Variants in LINGO2 observed in about 807,000 individuals in gnomAD.
LINGO2 encodes leucine-rich repeat and immunoglobulin-like domain-containing nogo receptor-interacting protein 2.
A neutral mutation model predicts 30.6 loss-of-function variants in LINGO2; 14 were observed. That is an observed-to-expected ratio of 0.46 (90% CI 0.30 to 0.72). The LOEUF is 0.72. LINGO2 is among the 30% of genes least tolerant of loss of function. LINGO2 has a pLI of 0.07. For synonymous variants in LINGO2, 317 were observed against 288.5 expected (o/e 1.10, Z -1.00); for missense variants, 729 against 751.7 (o/e 0.97, Z 0.35).
chr9:28,202,288 T>C (rs1411141500), intron 4 of LINGO2, among the ~76,000 whole-genome samples: 1 of 152,108 alleles, frequency 6.6e-6, no homozygotes, highest in Admixed American at 6.5e-5. Context: ...ATTCAACCCA[T>C]AACCCTCTCT....
At chr9:29,182,361 T>A in the LINGO2 span, among the ~76,000 whole-genome samples, 38 of 152,212 alleles carry the variant, frequency 2.5e-4, no homozygotes, top group Non-Finnish European at 5.1e-4. Flanking sequence ...TTAGGTATGG[T>A]AAGATTTAAG....
At chr9:28,402,533 G>A (rs1822315854) in intron 2 of LINGO2, among the ~76,000 whole-genome samples, 1 of 151,920 alleles carries the variant, frequency 6.6e-6, no homozygotes, top group South Asian at 2.1e-4. Flanking sequence ...TCCGTACACT[G>A]CCTCCTATCT....
chr9:28,796,599 A>G, the LINGO2 span, among the ~76,000 whole-genome samples: 1 of 152,208 alleles, frequency 6.6e-6, no homozygotes, highest in East Asian at 1.9e-4. Flanking sequence ...GTCAGCAATT[A>G]GCATATTTCA....
At chr9:28,239,223 T>C (rs78109264) in intron 4 of LINGO2, among the ~76,000 whole-genome samples, 11,574 of 151,952 alleles carry the variant, frequency 0.076, 540 homozygotes, top group South Asian at 0.16. Flanking sequence ...CAAAAAGCAA[T>C]ACCAATACCA....
At chr9:29,183,296 C>G in the LINGO2 span, among the ~76,000 whole-genome samples, 1 of 152,094 alleles carries the variant, frequency 6.6e-6, no homozygotes, top group African/African-American at 2.4e-5. Context: ...ACCAGTAACT[C>G]TTCAATGAAC....
chr9:28,747,156 A>C, the LINGO2 span, among the ~76,000 whole-genome samples: 3 of 151,950 alleles, frequency 2.0e-5, no homozygotes, highest in African/African-American at 7.3e-5. Flanking sequence ...CCCAGGATCC[A>C]GAAGGAGAGG....
At chr9:28,773,366 G>GAAAAA in the LINGO2 span, among the ~76,000 whole-genome samples, 274 of 132,230 alleles carry the variant, frequency 2.1e-3, 1 homozygote, top group African/African-American at 7.1e-3. Context: ...CTCCATCTCA[G>GAAAAA]AAAAAAAAAA....
intron 4 of LINGO2, among the ~76,000 whole-genome samples, chr9:28,204,558 T>C (rs1230307866): frequency 6.6e-6 from 1 of 152,188 alleles, no homozygotes; most frequent in African/African-American, 2.4e-5. Context: ...AGCAGTTCCC[T>C]AGGCATATCT....
the LINGO2 span, among the ~76,000 whole-genome samples, chr9:28,730,305 G>T: frequency 6.6e-6 from 1 of 152,150 alleles, no homozygotes; most frequent in Non-Finnish European, 1.5e-5. Flanking sequence ...GCAGGAATGT[G>T]ATCATGAGAC....
intron 4 of LINGO2, among the ~76,000 whole-genome samples, chr9:28,043,877 T>C (rs894755598): frequency 2.0e-5 from 3 of 152,242 alleles, no homozygotes; most frequent in African/African-American, 7.2e-5. Flanking sequence ...ATCCGTTTAG[T>C]CAATGTTCAA....
chr9:28,459,706 T>C (rs72713526), intron 2 of LINGO2, among the ~76,000 whole-genome samples: 8,308 of 151,904 alleles, frequency 0.055, 293 homozygotes, highest in Middle Eastern at 0.15. Context: ...CAAGTAAATA[T>C]ATTATTTATC....
chr9:28,290,757 A>G (rs1823697879), intron 4 of LINGO2, among the ~76,000 whole-genome samples: 1 of 151,922 alleles, frequency 6.6e-6, no homozygotes, highest in Non-Finnish European at 1.5e-5. Context: ...TTGATACTTT[A>G]TTTTTTTTCA....
At chr9:29,071,202 T>TTGTAG in the LINGO2 span, among the ~76,000 whole-genome samples, 1 of 129,556 alleles carries the variant, frequency 7.7e-6, no homozygotes, top group Non-Finnish European at 1.7e-5. Context: ...TTGTATTGTA[T>TTGTAG]TTTTTAGAGA....
intron 4 of LINGO2, among the ~76,000 whole-genome samples, chr9:28,062,275 T>C (rs1825168390): frequency 6.6e-6 from 1 of 152,050 alleles, no homozygotes; most frequent in Admixed American, 6.6e-5. Context: ...GTGTGTGCTT[T>C]CTTCCTCTTG....
chr9:28,784,726 C>T, the LINGO2 span, among the ~76,000 whole-genome samples: 1 of 152,018 alleles, frequency 6.6e-6, no homozygotes, highest in African/African-American at 2.4e-5. Flanking sequence ...GGCCGAGGTG[C>T]GTGGATCATG....
chr9:28,827,416 T>C, the LINGO2 span, among the ~76,000 whole-genome samples: 1 of 152,204 alleles, frequency 6.6e-6, no homozygotes. Context: ...AATAAGTAAT[T>C]ATGAGTTATA....
At chr9:28,808,203 T>C in the LINGO2 span, among the ~76,000 whole-genome samples, 3 of 152,220 alleles carry the variant, frequency 2.0e-5, no homozygotes, top group East Asian at 3.9e-4. Flanking sequence ...ACACATAATC[T>C]TGTGATGCAA....
chr9:29,038,511 C>T, the LINGO2 span, among the ~76,000 whole-genome samples: 7 of 151,742 alleles, frequency 4.6e-5, no homozygotes, highest in Admixed American at 4.6e-4. Context: ...TTTTTCCCCA[C>T]ATGAAACCTA....
chr9:28,391,471 G>T (rs1251517955), intron 2 of LINGO2, among the ~76,000 whole-genome samples: 1 of 152,060 alleles, frequency 6.6e-6, no homozygotes, highest in Non-Finnish European at 1.5e-5. Context: ...GATGTGAATC[G>T]GGAAATCATC....
Sources: allele counts gnomAD v4.1 joint callset (sites outside exome capture counted in the v4.1 genomes callset), GRCh38; gene constraint gnomAD v4.1.1; transcripts MANE v1.5; gene names NCBI Gene and HGNC (gene_info 2026-07-23, HGNC 2026-07-21).